Variants in MTMR9 observed in about 807,000 individuals in gnomAD.
MTMR9 encodes myotubularin-related protein 9.
MTMR9 carries 39 observed loss-of-function variants against 69.5 expected under a neutral mutation model. The observed-to-expected ratio is 0.56, with a 90% CI of 0.43 to 0.73. The LOEUF (loss-of-function observed/expected upper bound fraction) is 0.73. Ranked by LOEUF, MTMR9 falls within the 30% of genes least tolerant of loss-of-function variation. MTMR9 has a pLI of 0.00. For missense variants in MTMR9, 900 were observed against 671.2 expected (o/e 1.34, Z -3.77); for synonymous variants, 354 against 240.8 (o/e 1.47, Z -4.35).
At chr8:11,315,251 C>G (rs1466684683) in intron 7 of MTMR9, among the ~76,000 whole-genome samples, 187 bp downstream of exon 7, 1 of 152,214 alleles carries the variant, frequency 6.6e-6, no homozygotes, top group African/African-American at 2.4e-5. Flanking sequence ...GTATTCCTCA[C>G]TTGACACTTC....
At chr8:11,312,285 A>G (rs916755162) in intron 6 of MTMR9, among the ~76,000 whole-genome samples, 3 of 151,970 alleles carry the variant, frequency 2.0e-5, no homozygotes, top group African/African-American at 4.8e-5. Flanking sequence ...CCTGAGCTCA[A>G]ACAATCCTCC....
rs560353725 is a variant in MTMR9 at position 11,327,061 on chromosome 8, C to G, written c.*4273C>G. On this transcript the variant is annotated 3_prime_UTR_variant, in exon 10 of 10. Transcript: ENST00000221086. ...TGATACTATAACTTTCTTATGGTAT[C>G]AGTTTTCTTTATTTTCTTGAATAAA... 6.6e-6 allele frequency: 1 copy of G among 151,462 alleles called. No individual in the cohort carries two copies. The highest frequency in any genetic ancestry group is 2.4e-5 in the African/African-American group (1 of 41,296). The allele number at this position is 151,462 out of a possible 1,614,324, so 9.4% of individuals were successfully genotyped here.
intron 3 of MTMR9, among the ~76,000 whole-genome samples, chr8:11,301,110 T>A (rs1799732922): frequency 6.6e-6 from 1 of 152,196 alleles, no homozygotes; most frequent in African/African-American, 2.4e-5. Context: ...CCTTAATTGA[T>A]CTGTAGAGTC....
chr8:11,319,503 G>C (rs1232420376), intron 8 of MTMR9, 184 bp from the exon 9 acceptor site: 11 of 602,708 alleles, frequency 1.8e-5, no homozygotes, highest in Admixed American at 3.1e-5. Context: ...TGTTGTTGTT[G>C]AGAGTTCTAA....
chr8:11,322,934 C>T lies in MTMR9; in HGVS notation c.*146C>T. 1.8e-6 allele frequency: 1 copy of T among 568,630 alleles called. No individual in the cohort carries two copies. Among genetic ancestry groups the T allele is most frequent in the Middle Eastern group, 4.4e-4 (1 of 2,278 alleles). The allele number at this position is 568,630 out of a possible 1,614,324, so 35.2% of individuals were successfully genotyped here. On this transcript the variant is annotated 3_prime_UTR_variant, in exon 10 of 10. Transcript: ENST00000221086. The stretch of plus-strand genomic sequence containing the variant: ...CCCTAATGTAATGGATTTCTCAATA[C>T]TGTATGAATAATGAAACTTACTATC...
At chr8:11,336,584 C>T in the MTMR9 span, among the ~76,000 whole-genome samples, 1 of 152,206 alleles carries the variant, frequency 6.6e-6, no homozygotes, top group African/African-American at 2.4e-5. Context: ...TATTCACTGT[C>T]CATGAATTGA....
At chr8:11,329,744 G>A (rs1801119839), downstream of MTMR9, among the ~76,000 whole-genome samples, 1 of 152,210 alleles carries the variant, frequency 6.6e-6, no homozygotes, top group Non-Finnish European at 1.5e-5. Context: ...ACCCCGTCTG[G>A]GAAGGGAGGA....
At chr8:11,287,513 G>A (rs1400420706) in intron 1 of MTMR9, among the ~76,000 whole-genome samples, 1 of 151,686 alleles carries the variant, frequency 6.6e-6, no homozygotes, top group Non-Finnish European at 1.5e-5. Context: ...ATCAGAGTTT[G>A]TTAAATTGCT....
intron 9 of MTMR9, among the ~76,000 whole-genome samples, chr8:11,322,277 T>C (rs984913167): frequency 6.6e-6 from 1 of 152,258 alleles, no homozygotes; most frequent in African/African-American, 2.4e-5. Context: ...ATAAGTGATT[T>C]ATATTGTGAA....
downstream of MTMR9, chr8:11,332,245 T>C: frequency 1.4e-6 from 2 of 1,403,210 alleles, no homozygotes. Flanking sequence ...AGTGAAAGTC[T>C]AACTTCCATA....
chr8:11,319,867 T>C, intron 9 of MTMR9, 29 bp downstream of exon 9: 1 of 1,612,338 alleles, frequency 6.2e-7, no homozygotes, highest in Non-Finnish European at 8.5e-7. Context: ...GCAAACTTCT[T>C]AACGGTCAGG....
At chr8:11,295,013 A>G (rs1799502716) in intron 1 of MTMR9, 181 bp from the exon 2 acceptor site, 1 of 426,268 alleles carries the variant, frequency 2.3e-6, no homozygotes, top group African/African-American at 2.1e-5. Flanking sequence ...AAAGACATAT[A>G]TTGTAAGTAA....
intron 2 of MTMR9, among the ~76,000 whole-genome samples, chr8:11,297,365 A>T (rs1231666279): frequency 6.6e-6 from 1 of 152,246 alleles, no homozygotes; most frequent in Non-Finnish European, 1.5e-5. Flanking sequence ...CACATCTGTC[A>T]TTTGGAAGTA....
chr8:11,328,480 A>G (rs981833602), downstream of MTMR9, among the ~76,000 whole-genome samples: 9 of 152,160 alleles, frequency 5.9e-5, no homozygotes, highest in African/African-American at 2.2e-4. Context: ...TATGTATTCT[A>G]CATATTATTG....
At chr8:11,316,173 A>G (rs1292408748) in intron 7 of MTMR9, 2 of 152,200 alleles carry the variant, frequency 1.3e-5, no homozygotes, top group African/African-American at 4.8e-5. Context: ...AACTTTTCGT[A>G]TATAATTAGA....
Position 11,284,834 on chromosome 8 carries a change from G to C in MTMR9, c.-55G>C, listed in dbSNP as rs1431196451. On this transcript the variant is annotated 5_prime_UTR_variant, in exon 1 of 10. Coordinates refer to ENST00000221086, the MANE Select transcript of MTMR9 (RefSeq NM_015458.4). ...TGTTTCCGCTACTTCCCTGCGGCGG[G>C]GTAACCGCCTCGCACCTACCGGGCT... 2.0e-6 allele frequency: 3 copies of C among 1,480,598 alleles called. No individual in the cohort carries two copies. Among genetic ancestry groups the C allele is most frequent in the Non-Finnish European group, 2.7e-6 (3 of 1,099,836 alleles). 91.7% of individuals were successfully genotyped at this position (1,480,598 alleles called of 1,614,324 possible).
At chr8:11,307,005 T>A (rs1799963730) in intron 5 of MTMR9, among the ~76,000 whole-genome samples, 1 of 152,198 alleles carries the variant, frequency 6.6e-6, no homozygotes, top group Admixed American at 6.5e-5. Context: ...CTGACTTATT[T>A]CATATAGCAT....
Position 11,326,569 on chromosome 8 carries a change from A to G in MTMR9, c.*3781A>G, listed in dbSNP as rs1209227681. 6.6e-6 allele frequency: 1 copy of G among 152,230 alleles called. No individual in the cohort carries two copies. The highest frequency in any genetic ancestry group is 1.5e-5 in the Non-Finnish European group (1 of 68,048). The allele number at this position is 152,230 out of a possible 1,614,324, so 9.4% of individuals were successfully genotyped here. A position where few individuals can be genotyped will look rare whatever the true frequency, so the allele number is the denominator to read the frequency against. On this transcript the variant is annotated 3_prime_UTR_variant, in exon 10 of 10. Coordinates refer to ENST00000221086, the MANE Select transcript of MTMR9 (RefSeq NM_015458.4). ...TTTATACTATACCTCAAGACCACAT[A>G]GATTAGCTACTGCTTATTCTTTCAC...
At chr8:11,333,847 A>C in the MTMR9 span, among the ~76,000 whole-genome samples, 2 of 152,224 alleles carry the variant, frequency 1.3e-5, no homozygotes, top group Admixed American at 1.3e-4. Context: ...GTCCCCTCTA[A>C]AATGCATGTT....
Sources: allele counts gnomAD v4.1 joint callset (sites outside exome capture counted in the v4.1 genomes callset), GRCh38; gene constraint gnomAD v4.1.1; transcripts MANE v1.5; gene names NCBI Gene and HGNC (gene_info 2026-07-23, HGNC 2026-07-21).